NAALADL2: variants seen among roughly 807,000 people sequenced by gnomAD.
The protein encoded by NAALADL2 is N-acetylated alpha-linked acidic dipeptidase like 2.
Under a neutral mutation model 87.2 loss-of-function variants are expected in NAALADL2, and 76 were observed. The observed-to-expected ratio is 0.87, with a 90% CI of 0.72 to 1.05. NAALADL2 has a LOEUF of 1.05. NAALADL2 is among the 50% of genes least tolerant of loss of function. The pLI is 0.00. For missense variants in NAALADL2, 1,089 were observed against 945.8 expected (o/e 1.15, Z -1.99); for synonymous variants, 354 against 331.0 (o/e 1.07, Z -0.75).
chr3:175,354,330 C>CA (rs1764107072), intron 5 of NAALADL2, among the ~76,000 whole-genome samples: 1 of 151,842 alleles, frequency 6.6e-6, no homozygotes, highest in South Asian at 2.1e-4. Context: ...ATTATAGATT[C>CA]AAAAATCAAG....
chr3:175,141,855 T>C (rs935406655), intron 2 of NAALADL2, among the ~76,000 whole-genome samples: 12 of 152,096 alleles, frequency 7.9e-5, no homozygotes, highest in African/African-American at 2.9e-4. Context: ...ATTCAAATGA[T>C]CAAGGTATTT....
intron 2 of NAALADL2, among the ~76,000 whole-genome samples, chr3:174,566,533 A>G (rs75175315): frequency 6.6e-6 from 1 of 151,466 alleles, no homozygotes; most frequent in Admixed American, 6.6e-5. Context: ...TTTTTTAGTC[A>G]TTTCTCTTCA....
chr3:174,463,756 A>G (rs538076614), intron 1 of NAALADL2, among the ~76,000 whole-genome samples: 1 of 151,724 alleles, frequency 6.6e-6, no homozygotes, highest in African/African-American at 2.4e-5. Context: ...GCCCACCACC[A>G]CGCCTGGCTA....
At chr3:175,262,434 G>A (rs1433445813) in intron 4 of NAALADL2, among the ~76,000 whole-genome samples, 1 of 151,890 alleles carries the variant, frequency 6.6e-6, no homozygotes, top group African/African-American at 2.4e-5. Flanking sequence ...GGTAGAAGTT[G>A]GTGGAACTCT....
intron 5 of NAALADL2, among the ~76,000 whole-genome samples, chr3:175,324,828 A>T (rs1760483295): frequency 6.6e-6 from 1 of 152,190 alleles, no homozygotes; most frequent in African/African-American, 2.4e-5. Context: ...AAGGGACCTC[A>T]TTGTTTTGGC....
intron 10 of NAALADL2, among the ~76,000 whole-genome samples, chr3:175,579,746 G>A (rs1233882647): frequency 1.3e-5 from 2 of 152,182 alleles, no homozygotes; most frequent in Non-Finnish European, 2.9e-5. Flanking sequence ...GATGCTTTCT[G>A]ATTAAGAGTG....
At chr3:174,443,396 G>A (rs1486382236) in intron 1 of NAALADL2, among the ~76,000 whole-genome samples, 1 of 152,158 alleles carries the variant, frequency 6.6e-6, no homozygotes, top group East Asian at 1.9e-4. Flanking sequence ...AAGAAATTAA[G>A]GAGAATGTAA....
chr3:175,210,112 G>C (rs987893718), intron 2 of NAALADL2, among the ~76,000 whole-genome samples: 2 of 151,678 alleles, frequency 1.3e-5, no homozygotes, highest in African/African-American at 4.8e-5. Context: ...CTTTCAAACT[G>C]CCAAGAAAAA....
chr3:175,075,354 T>A (rs1716407723), intron 1 of NAALADL2, among the ~76,000 whole-genome samples: 1 of 152,234 alleles, frequency 6.6e-6, no homozygotes, highest in South Asian at 2.1e-4. Flanking sequence ...TACATATCAG[T>A]CTTGTTTATA....
At chr3:175,316,387 A>G (rs1233906219) in intron 4 of NAALADL2, among the ~76,000 whole-genome samples, 1 of 152,078 alleles carries the variant, frequency 6.6e-6, no homozygotes, top group Non-Finnish European at 1.5e-5. Context: ...AAAGGCTCAT[A>G]GTTTCTGTAC....
At chr3:175,691,583 A>G (rs1193543850) in intron 11 of NAALADL2, among the ~76,000 whole-genome samples, 2 of 151,970 alleles carry the variant, frequency 1.3e-5, no homozygotes, top group South Asian at 2.1e-4. Context: ...CAATTTTTAC[A>G]TCACTAATTT....
chr3:174,496,427 C>A (rs1376626706), intron 1 of NAALADL2, among the ~76,000 whole-genome samples: 2 of 150,810 alleles, frequency 1.3e-5, no homozygotes. Flanking sequence ...ACAGTGAATT[C>A]TTTCTGAATG....
intron 3 of NAALADL2, among the ~76,000 whole-genome samples, chr3:174,750,727 C>A (rs368641876): frequency 6.6e-6 from 1 of 152,098 alleles, no homozygotes; most frequent in African/African-American, 2.4e-5. Flanking sequence ...AGCCACCGCA[C>A]CCGGCCTATT....
upstream of NAALADL2, among the ~76,000 whole-genome samples, chr3:174,855,686 T>G (rs894513159): frequency 1.3e-5 from 2 of 151,472 alleles, no homozygotes; most frequent in African/African-American, 4.9e-5. Context: ...CATTGCAGGC[T>G]CAATGTGTGC....
chr3:174,616,843 A>C (rs535891310), intron 2 of NAALADL2, among the ~76,000 whole-genome samples: 1 of 151,944 alleles, frequency 6.6e-6, no homozygotes, highest in African/African-American at 2.4e-5. Context: ...TATTCTTGGC[A>C]TCTTGATATT....
intron 3 of NAALADL2, among the ~76,000 whole-genome samples, chr3:174,752,092 C>T (rs554800008): frequency 1.1e-3 from 161 of 152,182 alleles, no homozygotes; most frequent in Admixed American, 2.8e-3. Context: ...ATTCTCCTGC[C>T]TCAGCCTCTC....
chr3:174,725,647 G>T (rs1044363132), intron 2 of NAALADL2, among the ~76,000 whole-genome samples: 3 of 152,152 alleles, frequency 2.0e-5, no homozygotes, highest in Non-Finnish European at 4.4e-5. Context: ...TTTTGTTAAA[G>T]TTAGCAATCA....
At chr3:174,978,958 A>C (rs530657937) in intron 1 of NAALADL2, among the ~76,000 whole-genome samples, 9 of 152,332 alleles carry the variant, frequency 5.9e-5, no homozygotes, top group Admixed American at 5.9e-4. Flanking sequence ...GAAATAATTC[A>C]CAAGGATGAC....
intron 4 of NAALADL2, among the ~76,000 whole-genome samples, chr3:175,291,159 G>A (rs6799976): frequency 0.38 from 57,970 of 151,732 alleles, 11,994 homozygotes; most frequent in African/African-American, 0.54. Context: ...GATCAATATT[G>A]GAGTAAAAAA....
Sources: allele counts gnomAD v4.1 joint callset (sites outside exome capture counted in the v4.1 genomes callset), GRCh38; gene constraint gnomAD v4.1.1; transcripts MANE v1.5; gene names NCBI Gene and HGNC (gene_info 2026-07-23, HGNC 2026-07-21).